AMZ2: variants seen among roughly 807,000 people sequenced by gnomAD.
The protein encoded by AMZ2 is archaemetzincin-2.
In AMZ2, 26 loss-of-function variants were observed where a neutral mutation model predicts 36.7. The ratio of observed to expected loss-of-function variants is 0.71; its 90% CI spans 0.52 to 0.98. The LOEUF (loss-of-function observed/expected upper bound fraction) is 0.98. Among genes scored for constraint, AMZ2 ranks in the 50% least tolerant of loss-of-function variants. AMZ2 has a pLI of 0.00. For synonymous variants in AMZ2, 144 were observed against 149.1 expected, an observed-to-expected ratio of 0.97 and a Z score of 0.25; for missense variants, 394 against 430.5, an observed-to-expected ratio of 0.92 and a Z score of 0.75.
intron 1 of AMZ2, among the ~76,000 whole-genome samples, chr17:68,231,586 G>A (rs2073665168): frequency 9.6e-6 from 1 of 104,072 alleles, no homozygotes; most frequent in East Asian, 3.0e-4. Context: ...ATGCCCTCAT[G>A]TGTGTTAGGC....
At chr17:68,218,957 G>T (rs9898163) in intron 1 of AMZ2, among the ~76,000 whole-genome samples, 1,738 of 152,218 alleles carry the variant, frequency 0.011, 35 homozygotes, top group African/African-American at 0.04. Context: ...CCCTAAAGTG[G>T]TCTATATGTA....
At chr17:68,215,708 G>C (rs1406404454) in intron 1 of AMZ2, among the ~76,000 whole-genome samples, 1 of 140,740 alleles carries the variant, frequency 7.1e-6, no homozygotes, top group Non-Finnish European at 1.6e-5. Flanking sequence ...CTTGAAAGGA[G>C]CTCATAGTCA....
At chr17:68,239,448 A>G (rs2073858096) in intron 1 of AMZ2, among the ~76,000 whole-genome samples, 1 of 152,212 alleles carries the variant, frequency 6.6e-6, no homozygotes, top group Admixed American at 6.5e-5. Context: ...GCAGATATGA[A>G]TTCACACTAG....
At chr17:68,209,625 TA>T (rs58453262) in intron 1 of AMZ2, among the ~76,000 whole-genome samples, 19 of 110,052 alleles carry the variant, frequency 1.7e-4, no homozygotes, top group Non-Finnish European at 2.9e-4. Flanking sequence ...TATATATATA[TA>T]TATATATTTT....
chr17:68,228,129 GC>G, intron 1 of AMZ2, among the ~76,000 whole-genome samples: 1 of 151,958 alleles, frequency 6.6e-6, no homozygotes, highest in Non-Finnish European at 1.5e-5. Flanking sequence ...CATCTTTCCT[GC>G]CCGAGCTCAG....
rs3207198 is a variant in AMZ2 at position 68,256,899 on chromosome 17, C to T, written c.1013C>T (p.Pro338Leu). Residue 338 changes from proline (P) to leucine (L), a missense_variant, in exon 7 of 7, where the codon CCG becomes CTG. Transcript: ENST00000359904. ...AGTCACGAGGATAATGGGAATTTACCGAAACCCGTGGAAGCCTTTAAGGAA... is the reference window on the plus strand; with the variant it reads ...AGTCACGAGGATAATGGGAATTTACTGAAACCCGTGGAAGCCTTTAAGGAA... Reference protein sequence around the residue: ...EHSHEDNGNLPKPVEAFKEWK... With the variant: ...EHSHEDNGNLLKPVEAFKEWK... 6 of 1,614,056 alleles carry T rather than the reference C, an allele frequency of 3.7e-6. No individual in the cohort carries two copies. The highest frequency in any genetic ancestry group is 1.1e-5 in the South Asian group (1 of 91,076).
intron 1 of AMZ2, among the ~76,000 whole-genome samples, chr17:68,227,708 G>A (rs1158099954): frequency 1.3e-5 from 2 of 152,188 alleles, no homozygotes; most frequent in Non-Finnish European, 2.9e-5. Context: ...CTCTTACAGA[G>A]ATACCTGCAT....
chr17:68,220,010 G>A (rs1394864112), intron 1 of AMZ2, among the ~76,000 whole-genome samples: 1 of 152,086 alleles, frequency 6.6e-6, no homozygotes, highest in Non-Finnish European at 1.5e-5. Flanking sequence ...GTGGAGGAGT[G>A]GAGAGAATGC....
At chr17:68,231,240 A>AT (rs111699295) in intron 1 of AMZ2, among the ~76,000 whole-genome samples, 68 of 146,980 alleles carry the variant, frequency 4.6e-4, no homozygotes, top group Non-Finnish European at 6.2e-4. Context: ...ATTTTCTTGT[A>AT]TTTTTTTTTT....
chr17:68,207,900 G>A (rs1231991361), intron 1 of AMZ2, among the ~76,000 whole-genome samples: 3 of 152,134 alleles, frequency 2.0e-5, no homozygotes, highest in Non-Finnish European at 2.9e-5. Flanking sequence ...CGGTGCTTGC[G>A]GGCCAGCGTG....
intron 1 of AMZ2, among the ~76,000 whole-genome samples, chr17:68,234,020 G>A (rs555599950): frequency 6.6e-6 from 1 of 152,198 alleles, no homozygotes; most frequent in Admixed American, 6.5e-5. Context: ...CATTTCTTCA[G>A]CATATAAATG....
upstream of AMZ2, among the ~76,000 whole-genome samples, chr17:68,243,293 C>T (rs1178826930): frequency 2.0e-5 from 3 of 152,134 alleles, no homozygotes; most frequent in East Asian, 5.8e-4. Flanking sequence ...TGCCACCATG[C>T]CTGGCTAATT....
At position 68,257,000 on chromosome 17, in the gene AMZ2, T is replaced by C; in HGVS notation, c.*31T>C. ...TTCAAATAGGAGTGATTGAAATAAA[T>C]AACTACTTGCATGTTATGCTTTCAT... On this transcript the variant is annotated 3_prime_UTR_variant, in exon 7 of 7. Coordinates refer to ENST00000359904, the MANE Select transcript of AMZ2 (RefSeq NM_016627.5). 3 of 1,603,398 alleles carry C rather than the reference T, an allele frequency of 1.9e-6. No homozygotes were observed. Among genetic ancestry groups the C allele is most frequent in the South Asian group, 1.1e-5 (1 of 90,046 alleles).
intron 1 of AMZ2, among the ~76,000 whole-genome samples, chr17:68,208,654 G>A (rs187899311): frequency 3.9e-5 from 6 of 152,234 alleles, no homozygotes; most frequent in East Asian, 1.9e-4. Context: ...TTGTTCTTTC[G>A]CTCTTTGTGG....
At chr17:68,256,793 G>T in intron 6 of AMZ2, 21 bp from the exon 7 acceptor site, 1 of 1,607,026 alleles carries the variant, frequency 6.2e-7, no homozygotes, top group Non-Finnish European at 8.5e-7. Flanking sequence ...GTTGAAGTGC[G>T]CATCTTTCAT....
At chr17:68,250,093 T>A in intron 1 of AMZ2, 95 bp from the exon 2 acceptor site, 1 of 1,344,698 alleles carries the variant, frequency 7.4e-7, no homozygotes, top group South Asian at 1.4e-5. Flanking sequence ...GTCATTTCAC[T>A]CTAGGGAGAA....
chr17:68,221,052 A>G (rs1374964032), intron 1 of AMZ2, among the ~76,000 whole-genome samples: 5 of 151,828 alleles, frequency 3.3e-5, no homozygotes, highest in African/African-American at 9.7e-5. Flanking sequence ...GCAAAGTGCT[A>G]GGATTACAGG....
At chr17:68,254,054 A>T (rs111371788) in intron 4 of AMZ2, among the ~76,000 whole-genome samples, 1 of 152,076 alleles carries the variant, frequency 6.6e-6, no homozygotes, top group Non-Finnish European at 1.5e-5. Context: ...CCATGTGGTT[A>T]TTTTTTATGA....
intron 5 of AMZ2, 55 bp downstream of exon 5, chr17:68,254,622 G>T: frequency 7.0e-7 from 1 of 1,434,620 alleles, no homozygotes; most frequent in Non-Finnish European, 9.6e-7. Context: ...TCTTAGTTCC[G>T]TAAACTGTAT....
Sources: allele counts gnomAD v4.1 joint callset (sites outside exome capture counted in the v4.1 genomes callset), GRCh38; gene constraint gnomAD v4.1.1; transcripts MANE v1.5; gene names NCBI Gene and HGNC (gene_info 2026-07-23, HGNC 2026-07-21).